Variants in DST observed in about 807,000 individuals in gnomAD.
The protein encoded by DST is bullous pemphigoid antigen.
Under a neutral mutation model 875.2 loss-of-function variants are expected in DST, and 253 were observed. The observed-to-expected ratio is 0.29, with a 90% CI of 0.26 to 0.32. DST has a LOEUF of 0.32. Ranked by LOEUF, DST falls within the 10% of genes least tolerant of loss-of-function variation. The pLI, the probability that DST is intolerant of heterozygous loss-of-function variation, is 1.00. For missense variants in DST, 8,287 were observed against 9,111.6 expected, an observed-to-expected ratio of 0.91 and a Z score of 3.68; for synonymous variants, 3,124 against 3,197.1, an observed-to-expected ratio of 0.98 and a Z score of 0.77.
chr6:56,487,334 G>T, intron 86 of DST, 61 bp from the exon 87 acceptor site: 8 of 1,390,844 alleles, frequency 5.8e-6, no homozygotes, highest in Non-Finnish European at 7.7e-6. Flanking sequence ...CAGGTAAGAG[G>T]CATTAACAGA....
intron 10 of DST, among the ~76,000 whole-genome samples, chr6:56,665,892 G>A (rs769101502): frequency 2.6e-5 from 4 of 152,074 alleles, no homozygotes; most frequent in Non-Finnish European, 5.9e-5. Flanking sequence ...CAGGATTGTG[G>A]TAATTTTAAA....
intron 92 of DST, among the ~76,000 whole-genome samples, chr6:56,474,972 A>AG (rs1178205088): frequency 6.6e-6 from 1 of 150,964 alleles, no homozygotes; most frequent in East Asian, 1.9e-4. Flanking sequence ...AAAAAAAAAA[A>AG]AAAAAAAAAA....
In DST at chr6:56,553,366, T is replaced by C. The variant is rs767246314; in HGVS notation, c.15426A>G (p.Thr5142=). Reference sequence around the variant, plus strand: ...TAAATGTATCCCAATTGGTTTTAATTGTATTAAGCTGTAACTGTAAGGCTG... The same window carrying C: ...TAAATGTATCCCAATTGGTTTTAATCGTATTAAGCTGTAACTGTAAGGCTG... ...EKAALQLQLN[T]IKTNWDTFNK... is the part of the protein sequence containing the mutation. Residue 5142 remains threonine, a synonymous_variant, in exon 61 of 104, where the codon ACA becomes ACG. Transcript: ENST00000680361. 174 of 1,605,900 alleles carry C rather than the reference T, an allele frequency of 1.1e-4. No individual in the cohort carries two copies. Among genetic ancestry groups the C allele is most frequent in the Non-Finnish European group, 1.4e-4 (163 of 1,177,568 alleles).
At chr6:56,464,427 C>T (rs1397880168) in intron 100 of DST, 2 of 506,658 alleles carry the variant, frequency 3.9e-6, no homozygotes, top group Non-Finnish European at 7.0e-6. Context: ...CACATACGCA[C>T]ACGGAGAACA....
In DST at chr6:56,755,466, CA is replaced by C. The variant is rs529986176; in HGVS notation, c.626-20178del. ...TCATGTAATTACCCCACTTTACATT[CA>C]CATATACTCTGTAAGTAAGGCAGAT... On this transcript the variant is annotated intron_variant, in intron 4 of 103. Transcript: ENST00000680361. Among the ~76,000 whole-genome samples, 1,336 of 152,314 alleles carry C rather than the reference CA, an allele frequency of 8.8e-3. 14 individuals carry two copies. The highest frequency in any genetic ancestry group is 0.03 in the African/African-American group (1,230 of 41,562).
At chr6:56,825,005 C>T (rs1399433236) in intron 4 of DST, among the ~76,000 whole-genome samples, 3 of 152,236 alleles carry the variant, frequency 2.0e-5, no homozygotes, top group African/African-American at 7.2e-5. Flanking sequence ...GTGTACCCAA[C>T]AGCTCATTGA....
chr6:56,953,410 G>A lies in DST; in HGVS notation c.216+375C>T, dbSNP rs372314861. On this transcript the variant is annotated intron_variant, in intron 2 of 103. Coordinates refer to ENST00000680361, the MANE Select transcript of DST (RefSeq NM_001374736.1). ...AAATGCATATGGATCAAATTGTTCTGCACTAACCTCTTCGTTTATCCAAGT... is the reference window on the plus strand; with the variant it reads ...AAATGCATATGGATCAAATTGTTCTACACTAACCTCTTCGTTTATCCAAGT... Among the ~76,000 whole-genome samples the A allele has an allele frequency of 1.1e-4, 16 of 152,344 alleles. No homozygotes were observed. The East Asian group carries it at 2.1e-3, about 20-fold the overall frequency.
chr6:56,713,805 T>C (rs750066091), intron 5 of DST, among the ~76,000 whole-genome samples: 1 of 152,240 alleles, frequency 6.6e-6, no homozygotes, highest in African/African-American at 2.4e-5. Context: ...GGTCTCTTCA[T>C]AGCATATTTT....
At chr6:56,662,702 G>T (rs543719364) in intron 10 of DST, among the ~76,000 whole-genome samples, 1 of 152,220 alleles carries the variant, frequency 6.6e-6, no homozygotes, top group African/African-American at 2.4e-5. Context: ...CACTTTGGGA[G>T]GCCAAGGCAG....
At chr6:56,505,341 T>A (rs1050753687) in intron 77 of DST, among the ~76,000 whole-genome samples, 2 of 152,146 alleles carry the variant, frequency 1.3e-5, no homozygotes, top group Non-Finnish European at 2.9e-5. Flanking sequence ...AATGGCTGCA[T>A]GTGGTGGCAT....
chr6:56,569,911 A>G lies in DST; in HGVS notation c.13823T>C (p.Ile4608Thr). ...CTCTGCACCAAAAGAAGGCTGTACA[A>G]TGGGAACTTTTTTTGTTGTTTCTTT... Reference protein sequence around the residue: ...WIKETTKKVPIVQPSFGAEDL... With the variant: ...WIKETTKKVPTVQPSFGAEDL... Residue 4608 changes from isoleucine (I) to threonine (T), a missense_variant, in exon 54 of 104, where the codon ATT becomes ACT. Physicochemically the swap from Ile to Thr is moderately conservative, Grantham distance 89. Transcript: ENST00000680361. 1.9e-6 allele frequency: 3 copies of G among 1,612,384 alleles called. No individual in the cohort carries two copies. Among genetic ancestry groups the G allele is most frequent in the Non-Finnish European group, 2.5e-6 (3 of 1,179,304 alleles).
At chr6:56,831,273 G>C (rs980247437) in intron 4 of DST, among the ~76,000 whole-genome samples, 3 of 152,124 alleles carry the variant, frequency 2.0e-5, no homozygotes, top group African/African-American at 7.2e-5. Flanking sequence ...CTTAAAAATG[G>C]AGGATAAAAT....
Position 56,560,382 on chromosome 6 carries a change from CTGTACTT to C in DST, c.14345_14351del (p.Lys4782ArgfsTer3). The C allele has an allele frequency of 6.2e-7, 1 of 1,605,290 alleles. No individual in the cohort carries two copies. Among genetic ancestry groups the C allele is most frequent in the Non-Finnish European group, 8.5e-7 (1 of 1,175,052 alleles). ...GCTCTGTCAATTTGTCTTTCAACTCCTGTACTTTGTTTACATTCTGCTTCAGTTCTGC... is the reference window on the plus strand; with the variant it reads ...GCTCTGTCAATTTGTCTTTCAACTCCTGTTTACATTCTGCTTCAGTTCTGC... On this transcript the variant is annotated frameshift_variant, in exon 58 of 104. Transcript: ENST00000680361. LOFTEE classifies it high-confidence loss of function.
chr6:56,635,109 T>A (rs986707773), intron 24 of DST, among the ~76,000 whole-genome samples, 156 bp from the exon 25 acceptor site: 1 of 152,220 alleles, frequency 6.6e-6, no homozygotes, highest in Admixed American at 6.5e-5. Flanking sequence ...CTTGTATCCC[T>A]CTTCCTTTCT....
chr6:56,602,938 C>T lies in DST; in HGVS notation c.11251G>A (p.Glu3751Lys). 2.5e-6 allele frequency: 4 copies of T among 1,588,624 alleles called. No individual in the cohort carries two copies. Among genetic ancestry groups the T allele is most frequent in the Non-Finnish European group, 3.4e-6 (4 of 1,172,882 alleles). ...SEKSKSVKDI[E>K]IVNVQDSEYV... ...TCAGAATCTTGAACATTCACAATCT[C>T]AATATCCTTCACAGATTTGCTCTTC... Residue 3751 changes from glutamate (E) to lysine (K), a missense_variant, in exon 43 of 104, where the codon GAG (glutamate) becomes AAG (lysine). Glu to Lys is a moderately conservative substitution (Grantham distance 56, BLOSUM62 1). Transcript: ENST00000680361.
chr6:56,587,098 C>T (rs1303433576), intron 49 of DST, among the ~76,000 whole-genome samples: 4 of 152,144 alleles, frequency 2.6e-5, no homozygotes, highest in South Asian at 2.1e-4. Context: ...AGGCTTCAGA[C>T]GATCAAACTA....
intron 10 of DST, among the ~76,000 whole-genome samples, chr6:56,661,585 T>C (rs1244978899): frequency 6.8e-6 from 1 of 146,698 alleles, no homozygotes; most frequent in Non-Finnish European, 1.5e-5. Context: ...AGCCCCACTC[T>C]AACAGTTTTT....
At chr6:56,798,882 G>A (rs12210355) in intron 4 of DST, among the ~76,000 whole-genome samples, 18 of 152,160 alleles carry the variant, frequency 1.2e-4, no homozygotes, top group Non-Finnish European at 1.8e-4. Flanking sequence ...ACTTTGAAGG[G>A]TTGAGGACTT....
At chr6:56,838,550 C>G (rs1268728431) in intron 4 of DST, among the ~76,000 whole-genome samples, 4 of 151,484 alleles carry the variant, frequency 2.6e-5, no homozygotes, top group African/African-American at 7.3e-5. Flanking sequence ...ACAAAACAAA[C>G]AAACAACAAC....
Sources: gnomAD v4.1 joint callset for allele counts (sites outside exome capture counted in the v4.1 genomes callset) on GRCh38, gnomAD v4.1.1 for gene constraint, MANE v1.5 for transcripts, NCBI Gene and HGNC (gene_info 2026-07-23, HGNC 2026-07-21) for gene names.